MED27: variants seen among roughly 807,000 people sequenced by gnomAD.
MED27 encodes the protein mediator complex subunit 27, also known as mediator of RNA polymerase II transcription subunit 27.
A neutral mutation model predicts 38.2 loss-of-function variants in MED27; 30 were observed. The ratio of observed to expected loss-of-function variants is 0.79; its 90% CI spans 0.59 to 1.07. The LOEUF (loss-of-function observed/expected upper bound fraction) is 1.07. MED27 is among the 50% of genes least tolerant of loss of function. MED27 has a pLI of 0.00. For missense variants in MED27, 289 were observed against 397.5 expected, an observed-to-expected ratio of 0.73 and a Z score of 2.32; for synonymous variants, 122 against 153.5, an observed-to-expected ratio of 0.79 and a Z score of 1.52.
At chr9:131,991,143 A>T (rs1831962895) in intron 3 of MED27, among the ~76,000 whole-genome samples, 1 of 152,208 alleles carries the variant, frequency 6.6e-6, no homozygotes, top group Admixed American at 6.5e-5. Context: ...AATATCTTTG[A>T]GGCAGCCATA....
chr9:131,867,992 TG>T (rs1472078591), intron 6 of MED27, among the ~76,000 whole-genome samples: 1 of 152,150 alleles, frequency 6.6e-6, no homozygotes, highest in African/African-American at 2.4e-5. Flanking sequence ...TTCTGGGCCA[TG>T]AAACAAAGAA....
At chr9:131,928,378 C>T (rs1006694560) in intron 4 of MED27, among the ~76,000 whole-genome samples, 6 of 152,040 alleles carry the variant, frequency 3.9e-5, no homozygotes, top group Admixed American at 6.5e-5. Context: ...CAACTACACA[C>T]AAAAAAGCAC....
At chr9:131,935,124 T>C (rs1830659569) in intron 4 of MED27, among the ~76,000 whole-genome samples, 1 of 152,194 alleles carries the variant, frequency 6.6e-6, no homozygotes. Flanking sequence ...GTACAAAAAG[T>C]AGTTAGTAAA....
chr9:132,024,104 C>T (rs1832769814), intron 2 of MED27, among the ~76,000 whole-genome samples: 1 of 152,034 alleles, frequency 6.6e-6, no homozygotes, highest in African/African-American at 2.4e-5. Flanking sequence ...GTGAGATGGC[C>T]CTGAGTTCAA....
intron 3 of MED27, among the ~76,000 whole-genome samples, chr9:132,011,882 T>C (rs1328980271): frequency 2.0e-5 from 3 of 152,230 alleles, no homozygotes; most frequent in Non-Finnish European, 4.4e-5. Flanking sequence ...GTAACCACTT[T>C]TCTCTTTGAA....
At chr9:132,056,100 C>G (rs1413426045) in intron 2 of MED27, among the ~76,000 whole-genome samples, 2 of 152,142 alleles carry the variant, frequency 1.3e-5, no homozygotes, top group Non-Finnish European at 2.9e-5. Flanking sequence ...ATTTTATCCT[C>G]GAATATAACA....
intron 5 of MED27, among the ~76,000 whole-genome samples, chr9:131,893,586 G>GA (rs911819082): frequency 9.2e-5 from 14 of 151,996 alleles, no homozygotes; most frequent in African/African-American, 3.4e-4. Context: ...TTGACTTGGG[G>GA]AAAAAAATCC....
intron 6 of MED27, among the ~76,000 whole-genome samples, chr9:131,873,087 C>A (rs1331646032): frequency 6.6e-6 from 1 of 152,180 alleles, no homozygotes; most frequent in East Asian, 1.9e-4. Flanking sequence ...GAGATCAGCC[C>A]AAGAGTTTGG....
intron 2 of MED27, among the ~76,000 whole-genome samples, chr9:132,075,300 G>A (rs956941845): frequency 1.2e-4 from 18 of 152,106 alleles, no homozygotes; most frequent in African/African-American, 3.9e-4. Flanking sequence ...CTCAGTTTGC[G>A]CACCTCTAAA....
intron 2 of MED27, among the ~76,000 whole-genome samples, chr9:132,048,985 A>C (rs552867864): frequency 1.2e-4 from 18 of 152,350 alleles, no homozygotes; most frequent in African/African-American, 4.3e-4. Context: ...AAAGTCAACT[A>C]TGGAACTTGG....
rs115072848 is a variant in MED27, at chr9:131,902,730, C to G, written c.574-8738G>C. Among the ~76,000 whole-genome samples, 1,316 of 152,288 alleles carry G rather than the reference C, an allele frequency of 8.6e-3. 20 individuals carry two copies. The highest frequency in any genetic ancestry group is 0.028 in the African/African-American group (1,148 of 41,558). On this transcript the variant is annotated intron_variant, in intron 4 of 7. Coordinates refer to ENST00000292035, the MANE Select transcript of MED27 (RefSeq NM_004269.4). ...CCTGGGGGTGGCTCCCGTGTCCAGA[C>G]TAGACTCCAGATACAAAGTTGTTAT...
intron 2 of MED27, among the ~76,000 whole-genome samples, chr9:132,043,316 TAA>T (rs34382241): frequency 2.7e-4 from 37 of 138,544 alleles, no homozygotes; most frequent in African/African-American, 2.7e-5. Flanking sequence ...TTTTTTTTCT[TAA>T]AAAAAAAAAA....
At chr9:131,933,406 A>G (rs903164041) in intron 4 of MED27, among the ~76,000 whole-genome samples, 2 of 152,220 alleles carry the variant, frequency 1.3e-5, no homozygotes, top group Non-Finnish European at 2.9e-5. Flanking sequence ...CAAATTCAGT[A>G]AAGTTGAAGG....
chr9:131,934,838 A>G (rs1830652929), intron 4 of MED27, among the ~76,000 whole-genome samples: 1 of 152,238 alleles, frequency 6.6e-6, no homozygotes, highest in Non-Finnish European at 1.5e-5. Flanking sequence ...TGAGTGGGTA[A>G]AGAAAATGTG....
intron 3 of MED27, among the ~76,000 whole-genome samples, chr9:131,969,121 T>C (rs1474760377): frequency 1.3e-5 from 2 of 152,104 alleles, no homozygotes; most frequent in South Asian, 2.1e-4. Flanking sequence ...AGAAATGAAA[T>C]AAAGCGCACA....
intron 6 of MED27, 132 bp from the exon 7 acceptor site, chr9:131,863,272 A>C (rs528086302): frequency 1.4e-4 from 103 of 716,706 alleles, no homozygotes; most frequent in Admixed American, 1.3e-3. Context: ...TCTAAAATAA[A>C]ATCTCTGTAG....
At chr9:131,985,863 G>A (rs1393875705) in intron 3 of MED27, among the ~76,000 whole-genome samples, 1 of 152,142 alleles carries the variant, frequency 6.6e-6, no homozygotes, top group Non-Finnish European at 1.5e-5. Context: ...GACAAAATGT[G>A]AAGGTGGAAG....
At chr9:132,048,897 T>C (rs1432579594) in intron 2 of MED27, among the ~76,000 whole-genome samples, 1 of 152,232 alleles carries the variant, frequency 6.6e-6, no homozygotes, top group African/African-American at 2.4e-5. Flanking sequence ...CCCTGGGTTT[T>C]GCCCTTTAAG....
At chr9:132,055,191 T>C (rs545032433) in intron 2 of MED27, among the ~76,000 whole-genome samples, 1 of 152,320 alleles carries the variant, frequency 6.6e-6, no homozygotes, top group African/African-American at 2.4e-5. Context: ...TCCCCCAGCA[T>C]TCTCAGGAGA....
Sources: allele counts gnomAD v4.1 joint callset (sites outside exome capture counted in the v4.1 genomes callset), GRCh38; gene constraint gnomAD v4.1.1; transcripts MANE v1.5; gene names NCBI Gene and HGNC (gene_info 2026-07-23, HGNC 2026-07-21).